The following TBCK variants were observed in gnomAD, a reference collection of about 807,000 sequenced individuals.
The protein encoded by TBCK is TBC domain-containing protein kinase-like protein.
A neutral mutation model predicts 113.4 loss-of-function variants in TBCK; 99 were observed. That is an observed-to-expected ratio of 0.87 (90% confidence interval 0.74 to 1.03). The LOEUF is 1.03. Among genes scored for constraint, TBCK ranks in the 50% least tolerant of loss-of-function variants. TBCK has a pLI of 0.00. For missense variants in TBCK, 1,045 were observed against 1,061.3 expected (o/e 0.98, Z 0.21); for synonymous variants, 369 against 370.8 (o/e 1.00, Z 0.05).
chr4:106,270,523 T>C (rs916150877), intron 3 of TBCK, among the ~76,000 whole-genome samples: 1 of 152,200 alleles, frequency 6.6e-6, no homozygotes, highest in Admixed American at 6.5e-5. Context: ...TCATGGCATA[T>C]AGTGGGTTAA....
At chr4:106,075,914 G>T (rs1471785938) in intron 25 of TBCK, among the ~76,000 whole-genome samples, 1 of 152,190 alleles carries the variant, frequency 6.6e-6, no homozygotes, top group Non-Finnish European at 1.5e-5. Context: ...GTGAAAGTCA[G>T]AATAAGCCTG....
chr4:106,064,263 A>G (rs1016117196), intron 25 of TBCK, among the ~76,000 whole-genome samples: 6 of 151,936 alleles, frequency 3.9e-5, no homozygotes, highest in Non-Finnish European at 8.8e-5. Flanking sequence ...CACATTTTAA[A>G]CTTAATTATT....
intron 23 of TBCK, among the ~76,000 whole-genome samples, chr4:106,156,367 A>T (rs746894627): frequency 5.3e-5 from 8 of 152,172 alleles, no homozygotes; most frequent in Non-Finnish European, 8.8e-5. Flanking sequence ...TGCTGTCATA[A>T]CTACTATCAT....
At chr4:106,068,344 C>A (rs939227933) in intron 25 of TBCK, among the ~76,000 whole-genome samples, 4 of 151,906 alleles carry the variant, frequency 2.6e-5, no homozygotes, top group Non-Finnish European at 5.9e-5. Context: ...GTGCTCCCTG[C>A]CCTGTGTCCA....
At chr4:106,223,901 A>G (rs918430119) in intron 19 of TBCK, among the ~76,000 whole-genome samples, 1 of 152,114 alleles carries the variant, frequency 6.6e-6, no homozygotes, top group Non-Finnish European at 1.5e-5. Context: ...ATCTTTTTCC[A>G]TACAATTAAT....
rs1447751378 is a variant in TBCK, at chr4:106,097,391, A to G, written c.2412-1750T>C. Among the ~76,000 whole-genome samples, 4 of 152,304 alleles carry G rather than the reference A, an allele frequency of 2.6e-5. No individual in the cohort carries two copies. In the East Asian group the frequency reaches 7.7e-4, roughly 29 times the overall value. ...ACACTCATCCAAGAACACTCTTGTC[A>G]TGAAACTTATAGCACAAAAATGATT... On this transcript the variant is annotated intron_variant, in intron 24 of 25. Transcript: ENST00000394708.
intron 3 of TBCK, among the ~76,000 whole-genome samples, chr4:106,287,712 ATTAAGCCTCT>A (rs1471084348): frequency 9.8e-5 from 15 of 152,348 alleles, no homozygotes; most frequent in African/African-American, 3.6e-4. Flanking sequence ...GTAGAAAAGA[ATTAAGCCTCT>A]TGTCAACAAC....
At chr4:106,099,907 A>G (rs933703718) in intron 24 of TBCK, among the ~76,000 whole-genome samples, 3 of 152,174 alleles carry the variant, frequency 2.0e-5, no homozygotes, top group African/African-American at 7.2e-5. Context: ...GAAACTTTCT[A>G]TGACTGCCTA....
At chr4:106,271,877 T>A (rs180850716) in intron 3 of TBCK, among the ~76,000 whole-genome samples, 1 of 152,158 alleles carries the variant, frequency 6.6e-6, no homozygotes, top group Non-Finnish European at 1.5e-5. Context: ...TTTAAGAACC[T>A]TTCATCAAAA....
At chr4:106,248,137 T>C (rs879006379) in intron 9 of TBCK, 108 bp downstream of exon 9, 3 of 590,938 alleles carry the variant, frequency 5.1e-6, no homozygotes, top group South Asian at 7.1e-5. Context: ...AATTATATAC[T>C]ACTCCATATG....
At chr4:106,273,742 G>C (rs897890286) in intron 3 of TBCK, among the ~76,000 whole-genome samples, 11 of 152,208 alleles carry the variant, frequency 7.2e-5, no homozygotes, top group Admixed American at 2.6e-4. Context: ...ACAGGCACCA[G>C]AAACTGGAAA....
chr4:106,099,710 C>A (rs1741325813), intron 24 of TBCK, among the ~76,000 whole-genome samples: 2 of 152,150 alleles, frequency 1.3e-5, no homozygotes, highest in South Asian at 2.1e-4. Context: ...TCTAATAAAT[C>A]TTGTACTCAC....
chr4:106,124,825 G>A (rs1352437899), intron 23 of TBCK, among the ~76,000 whole-genome samples: 1 of 151,786 alleles, frequency 6.6e-6, no homozygotes, highest in Non-Finnish European at 1.5e-5. Flanking sequence ...CATAGGAAGG[G>A]GAATATCACA....
Position 106,081,060 on chromosome 4 carries a change from C to T in TBCK, c.2571+14422G>A, listed in dbSNP as rs1738801053. ...GCAGAGAAAAAGGAACACTTTTACA[C>T]ATTGGTGTTAGTGTAAGTTAGTTGA... On this transcript the variant is annotated intron_variant, in intron 25 of 25. Transcript: ENST00000394708. 2.0e-5 allele frequency among the ~76,000 whole-genome samples: 3 copies of T among 152,176 alleles called. 1 individual carries two copies. In the South Asian group the frequency reaches 6.2e-4, roughly 32 times the overall value.
chr4:106,193,823 A>G, intron 21 of TBCK, 53 bp from the exon 22 acceptor site: 2 of 1,197,758 alleles, frequency 1.7e-6, no homozygotes, highest in Non-Finnish European at 2.3e-6. Flanking sequence ...AACAATTAAA[A>G]CAATAACAAC....
chr4:106,069,419 T>TGG (rs1431493070), intron 25 of TBCK, among the ~76,000 whole-genome samples: 1 of 152,198 alleles, frequency 6.6e-6, no homozygotes, highest in African/African-American at 2.4e-5. Flanking sequence ...CCCCATTTCT[T>TGG]GTTTTTGTCA....
In TBCK at chr4:106,046,798, T is replaced by C; in HGVS notation, c.2572-118A>G. ...TTAATGTTATGATTGCTGCCACCAC[T>C]GTATAATAAGTTGTCAACTTGGTTA... On this transcript the variant is annotated intron_variant, in intron 25 of 25. Coordinates refer to ENST00000394708, the MANE Select transcript of TBCK (RefSeq NM_001163435.3). The C allele has an allele frequency of 7.2e-6, 4 of 558,806 alleles. No individual in the cohort carries two copies. The South Asian group carries it at 9.9e-5, about 14-fold the overall frequency. The allele number at this position is 558,806 out of a possible 1,614,324, so 34.6% of individuals were successfully genotyped here.
chr4:106,297,218 G>A (rs933045394), intron 2 of TBCK, among the ~76,000 whole-genome samples: 1 of 152,084 alleles, frequency 6.6e-6, no homozygotes, highest in African/African-American at 2.4e-5. Context: ...ACTCTCTTCT[G>A]AACTGCAGGC....
intron 24 of TBCK, among the ~76,000 whole-genome samples, chr4:106,109,091 A>G (rs1475426447): frequency 1.3e-5 from 2 of 151,878 alleles, no homozygotes; most frequent in African/African-American, 2.4e-5. Context: ...GGACCCCTAC[A>G]ATGAGAATTA....
Sources: allele counts gnomAD v4.1 joint callset (sites outside exome capture counted in the v4.1 genomes callset), GRCh38; gene constraint gnomAD v4.1.1; transcripts MANE v1.5; gene names NCBI Gene and HGNC (gene_info 2026-07-23, HGNC 2026-07-21).